SHISA6: variants seen among roughly 807,000 people sequenced by gnomAD.
The protein encoded by SHISA6 is protein shisa-6.
In SHISA6, 22 loss-of-function variants were observed where a neutral mutation model predicts 47.9. The observed-to-expected ratio is 0.46, with a 90% CI of 0.33 to 0.66. The LOEUF (loss-of-function observed/expected upper bound fraction) is 0.66, where lower values mean the gene tolerates loss of function less well. Among genes scored for constraint, SHISA6 ranks in the 30% least tolerant of loss-of-function variants. The pLI is 0.02. For synonymous variants in SHISA6, 388 were observed against 337.8 expected (o/e 1.15, Z -1.63); for missense variants, 680 against 764.6 (o/e 0.89, Z 1.30).
intron 3 of SHISA6, among the ~76,000 whole-genome samples, chr17:11,426,281 C>A (rs950403139): frequency 2.0e-5 from 3 of 152,188 alleles, no homozygotes; most frequent in Non-Finnish European, 4.4e-5. Context: ...TATCTATTAG[C>A]CACAATTCTA....
intron 2 of SHISA6, among the ~76,000 whole-genome samples, chr17:11,315,840 C>G (rs199826640): frequency 6.6e-6 from 1 of 152,084 alleles, no homozygotes. Context: ...GTATGAGAGC[C>G]AAACATAGAG....
At chr17:11,480,595 A>G (rs915735785) in intron 3 of SHISA6, among the ~76,000 whole-genome samples, 3 of 152,094 alleles carry the variant, frequency 2.0e-5, no homozygotes, top group African/African-American at 4.8e-5. Context: ...TTCCATCACT[A>G]TGCTCCCCAC....
chr17:11,268,286 T>A (rs1007312894), intron 2 of SHISA6, among the ~76,000 whole-genome samples: 2 of 152,020 alleles, frequency 1.3e-5, no homozygotes, highest in Non-Finnish European at 2.9e-5. Flanking sequence ...GGGTCATGAC[T>A]CTCTAAGCTT....
intron 3 of SHISA6, among the ~76,000 whole-genome samples, chr17:11,525,311 T>C (rs2071666497): frequency 6.6e-6 from 1 of 152,096 alleles, no homozygotes; most frequent in Non-Finnish European, 1.5e-5. Flanking sequence ...GGTACAAAGA[T>C]GAGGCATTCT....
chr17:11,414,831 T>TA (rs1191313043), intron 3 of SHISA6, among the ~76,000 whole-genome samples: 1 of 152,204 alleles, frequency 6.6e-6, no homozygotes, highest in Admixed American at 6.5e-5. Flanking sequence ...CTCACGCCTG[T>TA]AATCCCAGCA....
chr17:11,375,237 G>A (rs1362179949), intron 2 of SHISA6, among the ~76,000 whole-genome samples: 1 of 152,158 alleles, frequency 6.6e-6, no homozygotes, highest in Non-Finnish European at 1.5e-5. Flanking sequence ...TATTGCTTCT[G>A]AACTCTCCCT....
At chr17:11,544,015 C>CA (rs529028800) in intron 3 of SHISA6, among the ~76,000 whole-genome samples, 11,217 of 117,626 alleles carry the variant, frequency 0.095, 500 homozygotes, top group Middle Eastern at 0.12. Context: ...TATTCATAAG[C>CA]AAAAAAAAAA....
At chr17:11,485,252 G>A (rs1463230804) in intron 3 of SHISA6, among the ~76,000 whole-genome samples, 2 of 152,062 alleles carry the variant, frequency 1.3e-5, no homozygotes, top group African/African-American at 2.4e-5. Flanking sequence ...GAGATGCTGC[G>A]GCAGAGGAGG....
At chr17:11,389,583 C>T (rs1409469848) in intron 3 of SHISA6, among the ~76,000 whole-genome samples, 90 of 152,152 alleles carry the variant, frequency 5.9e-4, no homozygotes, top group Non-Finnish European at 1.6e-4. Flanking sequence ...CTTTCTTTAC[C>T]ATCTCTTTGG....
intron 2 of SHISA6, among the ~76,000 whole-genome samples, chr17:11,294,990 C>T (rs752355857): frequency 8.5e-5 from 13 of 152,174 alleles, no homozygotes; most frequent in African/African-American, 1.7e-4. Context: ...ACTAGGATAG[C>T]GCGGCAGTCG....
chr17:11,366,971 C>T (rs1912473368), intron 2 of SHISA6, among the ~76,000 whole-genome samples: 1 of 152,102 alleles, frequency 6.6e-6, no homozygotes, highest in African/African-American at 2.4e-5. Context: ...TTAGGTTGGA[C>T]TTTAATCCAT....
At chr17:11,381,898 C>A (rs1386534006) in intron 3 of SHISA6, among the ~76,000 whole-genome samples, 1 of 152,194 alleles carries the variant, frequency 6.6e-6, no homozygotes. Flanking sequence ...ATATTTTTCT[C>A]CCCGTTCCTT....
At chr17:11,317,349 TTTTTATCTGTTTTGATGC>T (rs1435729838) in intron 2 of SHISA6, among the ~76,000 whole-genome samples, 1 of 152,040 alleles carries the variant, frequency 6.6e-6, no homozygotes, top group Admixed American at 6.5e-5. Context: ...GCAGTATTTG[TTTTTATCTGTTTTGATGC>T]TTTTTTTTTG....
intron 2 of SHISA6, among the ~76,000 whole-genome samples, chr17:11,363,679 C>T (rs369835432): frequency 7.2e-5 from 11 of 152,260 alleles, no homozygotes; most frequent in East Asian, 3.9e-4. Context: ...TGGGACTCGA[C>T]TTCAGACCAG....
intron 2 of SHISA6, among the ~76,000 whole-genome samples, chr17:11,285,792 A>G (rs1360870853): frequency 6.7e-6 from 1 of 150,236 alleles, no homozygotes; most frequent in African/African-American, 2.4e-5. Flanking sequence ...TTGGAATGAG[A>G]GGCAGGGTGG....
chr17:11,543,350 A>C (rs1474351568), intron 3 of SHISA6, among the ~76,000 whole-genome samples: 1 of 152,170 alleles, frequency 6.6e-6, no homozygotes, highest in Non-Finnish European at 1.5e-5. Flanking sequence ...TCTACATTCT[A>C]CTGGAATTAG....
intron 5 of SHISA6, among the ~76,000 whole-genome samples, chr17:11,556,263 G>A (rs540947442): frequency 3.3e-5 from 5 of 152,152 alleles, no homozygotes; most frequent in African/African-American, 1.2e-4. Context: ...GCTAGCAATG[G>A]CCAGAACTTT....
chr17:11,562,632 T>G lies in SHISA6; in HGVS notation c.*4328T>G, dbSNP rs1292435815. The G allele has an allele frequency of 6.6e-6, 1 of 152,184 alleles. No homozygotes were observed. Among genetic ancestry groups the G allele is most frequent in the Non-Finnish European group, 1.5e-5 (1 of 68,054 alleles). 9.4% of individuals were successfully genotyped at this position (152,184 alleles called of 1,614,324 possible). On this transcript the variant is annotated 3_prime_UTR_variant, in exon 6 of 6. Transcript: ENST00000441885. The stretch of plus-strand genomic sequence containing the variant: ...GAAGACACAGCTTCCAGCCCTGGCT[T>G]TGTCTCCGAGGGGGAGTCATGTTCC...
intron 3 of SHISA6, among the ~76,000 whole-genome samples, chr17:11,461,417 AAAG>A: frequency 6.7e-6 from 1 of 148,386 alleles, no homozygotes; most frequent in East Asian, 2.0e-4. Context: ...AAAAAAAAAA[AAAG>A]GTACCTGGGA....
Sources: gnomAD v4.1 joint callset for allele counts (sites outside exome capture counted in the v4.1 genomes callset) on GRCh38, gnomAD v4.1.1 for gene constraint, MANE v1.5 for transcripts, NCBI Gene and HGNC (gene_info 2026-07-23, HGNC 2026-07-21) for gene names.